Variants in CPA4 observed in about 807,000 individuals in gnomAD.
CPA4 encodes the protein carboxypeptidase A4.
CPA4 carries 49 observed loss-of-function variants against 54.7 expected under a neutral mutation model. The ratio of observed to expected loss-of-function variants is 0.90; its 90% CI spans 0.71 to 1.14. The LOEUF (loss-of-function observed/expected upper bound fraction) is 1.14. Ranked by LOEUF, CPA4 falls within the 50% of genes most tolerant of loss-of-function variation. CPA4 has a pLI of 0.00. For missense variants in CPA4, 487 were observed against 525.1 expected, an observed-to-expected ratio of 0.93 and a Z score of 0.71; for synonymous variants, 215 against 206.8, an observed-to-expected ratio of 1.04 and a Z score of -0.34.
In CPA4 at chr7:130,293,207, C is replaced by G; in HGVS notation, c.27C>G (p.Ala9=). 6.2e-7 allele frequency: 1 copy of G among 1,612,286 alleles called. No individual in the cohort carries two copies. The highest frequency in any genetic ancestry group is 8.5e-7 in the Non-Finnish European group (1 of 1,178,434). The part of the protein sequence containing the change: MRWILFIG[A]LIGSSICGQE... ...TGAGGTGGATACTGTTCATTGGGGC[C>G]CTTATTGGGTCCAGCATCTGTGGCC... is the stretch of plus-strand genomic sequence containing the variant. Residue 9 remains alanine, a synonymous_variant, in exon 1 of 11, where the codon GCC becomes GCG. Transcript: ENST00000222482.
At chr7:130,301,251 GAATAA>G (rs2117137173) in intron 4 of CPA4, among the ~76,000 whole-genome samples, 1 of 152,236 alleles carries the variant, frequency 6.6e-6, no homozygotes, top group South Asian at 2.1e-4. Flanking sequence ...TACTCACCCA[GAATAA>G]AATGTTACTT....
intron 10 of CPA4, among the ~76,000 whole-genome samples, chr7:130,320,632 TC>T (rs1394261373): frequency 2.0e-5 from 3 of 152,178 alleles, no homozygotes; most frequent in Admixed American, 2.0e-4. Context: ...GTTAATATAC[TC>T]ACTAGATCTG....
chr7:130,296,134 C>G (rs544575870), intron 1 of CPA4, among the ~76,000 whole-genome samples: 2 of 152,120 alleles, frequency 1.3e-5, no homozygotes, highest in Non-Finnish European at 2.9e-5. Flanking sequence ...ATGGGCCTGA[C>G]AGATGAGAAA....
At chr7:130,299,537 A>T in intron 3 of CPA4, 133 bp downstream of exon 3, 1 of 784,246 alleles carries the variant, frequency 1.3e-6, no homozygotes, top group Non-Finnish European at 2.0e-6. Flanking sequence ...AGGCAAATGG[A>T]AGTAAAGTGC....
intron 10 of CPA4, among the ~76,000 whole-genome samples, chr7:130,316,035 A>G (rs1422214080): frequency 6.6e-6 from 1 of 152,178 alleles, no homozygotes; most frequent in Non-Finnish European, 1.5e-5. Context: ...TGCCCCCGCC[A>G]TAACTAGTTG....
At chr7:130,317,023 G>A (rs573127644) in intron 10 of CPA4, among the ~76,000 whole-genome samples, 1 of 152,148 alleles carries the variant, frequency 6.6e-6, no homozygotes, top group Non-Finnish European at 1.5e-5. Context: ...GCATGCGAGA[G>A]GATGGAAAGG....
chr7:130,296,679 C>CTTTTTTTTTTTTTTTTTTTTTT (rs369325885), intron 1 of CPA4, among the ~76,000 whole-genome samples: 1 of 72,984 alleles, frequency 1.4e-5, no homozygotes, highest in Non-Finnish European at 2.4e-5. Flanking sequence ...GCTCCCCTCA[C>CTTTTTTTTTTTTTTTTTTTTTT]TTTTTTTTTT....
chr7:130,308,723 A>AT (rs1554395843), intron 8 of CPA4, among the ~76,000 whole-genome samples: 7 of 145,252 alleles, frequency 4.8e-5, no homozygotes, highest in Admixed American at 1.4e-4. Flanking sequence ...ACGCCCGGCT[A>AT]TTTTTTTTCA....
intron 10 of CPA4, among the ~76,000 whole-genome samples, chr7:130,317,929 A>G (rs3800773): frequency 0.6 from 91,377 of 151,828 alleles, 27,534 homozygotes; most frequent in Admixed American, 0.66. Context: ...CTCTTTTAGG[A>G]AGATTCTCCA....
intron 9 of CPA4, 99 bp downstream of exon 9, chr7:130,311,085 C>A: frequency 2.2e-6 from 2 of 916,990 alleles, no homozygotes; most frequent in Non-Finnish European, 3.5e-6. Flanking sequence ...GGTCCAGGAG[C>A]CTAGGCATGT....
In CPA4 at chr7:130,313,541, G is replaced by A. The variant is rs139738341; in HGVS notation, c.1078+1419G>A. ...TGGTCTTGGGCTTTTATAAGGCTTC[G>A]GGCTATATTTTTTAAAGAACCCTGT... On this transcript the variant is annotated intron_variant, in intron 10 of 10. Coordinates refer to ENST00000222482, the MANE Select transcript of CPA4 (RefSeq NM_016352.4). Among the ~76,000 whole-genome samples the A allele has an allele frequency of 5.8e-3, 874 of 149,500 alleles. 2 individuals are homozygous for A. The highest frequency in any genetic ancestry group is 8.4e-3 in the Non-Finnish European group (556 of 66,176).
chr7:130,298,768 G>C lies in CPA4; in HGVS notation c.91G>C (p.Val31Leu), dbSNP rs778034964. 1 of 1,610,856 alleles carries C rather than the reference G, an allele frequency of 6.2e-7. No individual in the cohort carries two copies. The highest frequency in any genetic ancestry group is 1.1e-5 in the South Asian group (1 of 90,956). The change falls in exon 2 of 11, where the codon GTC becomes CTC. Residue 31 changes from valine to leucine, a missense_variant. By Grantham distance (32) the Val-to-Leu change is conservative. Transcript: ENST00000222482. ...FFGDQVLRIN[V>L]RNGDEISKLS... ...CAGGGACCAAGTTTTGAGGATTAATGTCAGAAATGGAGACGAGATCAGCAA... is the reference window on the plus strand; with the variant it reads ...CAGGGACCAAGTTTTGAGGATTAATCTCAGAAATGGAGACGAGATCAGCAA...
In CPA4 at chr7:130,322,720, C is replaced by A; in HGVS notation, c.*44C>A. 1 of 1,563,952 alleles carries A rather than the reference C, an allele frequency of 6.4e-7. No homozygotes were observed. The highest frequency in any genetic ancestry group is 1.8e-5 in the Admixed American group (1 of 56,352). The stretch of plus-strand genomic sequence containing the variant: ...CTACATTTATTTGTACCCACACGTG[C>A]ACGCACTGAGGCCATTGTTAAAGGA... On this transcript the variant is annotated 3_prime_UTR_variant, in exon 11 of 11. Transcript: ENST00000222482.
intron 10 of CPA4, 83 bp from the exon 11 acceptor site, chr7:130,322,406 C>T: frequency 8.6e-7 from 1 of 1,163,404 alleles, no homozygotes; most frequent in Non-Finnish European, 1.2e-6. Flanking sequence ...TAAGGAACCC[C>T]AGGCAGGCAG....
rs538874966 is a variant in CPA4 at position 130,297,289 on chromosome 7, G to A, written c.69-1457G>A. Among the ~76,000 whole-genome samples, 16 of 152,084 alleles carry A rather than the reference G, an allele frequency of 1.1e-4. 1 individual carries two copies. The South Asian group carries it at 2.9e-3, about 28-fold the overall frequency. On this transcript the variant is annotated intron_variant, in intron 1 of 10. Coordinates refer to ENST00000222482, the MANE Select transcript of CPA4 (RefSeq NM_016352.4). ...CTTACATCGGTCCCTTTTTTTCAAT[G>A]GTGCTTGCCGAGGTCAGGGAACGAT...
At chr7:130,317,898 A>G (rs768847720) in intron 10 of CPA4, among the ~76,000 whole-genome samples, 13 of 151,746 alleles carry the variant, frequency 8.6e-5, no homozygotes, top group African/African-American at 2.4e-5. Context: ...CTCACTCTCA[A>G]CTGGCTTCAC....
chr7:130,304,693 G>A, intron 5 of CPA4, 114 bp downstream of exon 5: 3 of 733,514 alleles, frequency 4.1e-6, no homozygotes, highest in Middle Eastern at 3.4e-4. Flanking sequence ...GGAAAGCGAG[G>A]TCAGGACACA....
In CPA4 at chr7:130,293,232, C is replaced by T. The variant is rs754754367; in HGVS notation, c.52C>T (p.Gln18Ter). Residue 18 changes from glutamine to a stop codon, truncating the protein, a stop_gained, in exon 1 of 11, where the codon CAA becomes TAA. Transcript: ENST00000222482. LOFTEE classifies it high-confidence loss of function. ...CCTTATTGGGTCCAGCATCTGTGGC[C>T]AAGAAAAATTTTTTGGGTAAGTTCC... ...GALIGSSICG[Q>*]EKFFGDQVLR... 3 of 1,609,672 alleles carry T rather than the reference C, an allele frequency of 1.9e-6. No individual in the cohort carries two copies. Among genetic ancestry groups the T allele is most frequent in the Non-Finnish European group, 2.5e-6 (3 of 1,176,722 alleles).
chr7:130,298,877 GA>G (rs749561216), intron 2 of CPA4, 50 bp downstream of exon 2: 2 of 1,059,628 alleles, frequency 1.9e-6, no homozygotes, highest in Admixed American at 3.5e-5. Flanking sequence ...TTTGCTGGGA[GA>G]AGACTCTTGC....
Sources: gnomAD v4.1 joint callset for allele counts (sites outside exome capture counted in the v4.1 genomes callset) on GRCh38, gnomAD v4.1.1 for gene constraint, MANE v1.5 for transcripts, NCBI Gene and HGNC (gene_info 2026-07-23, HGNC 2026-07-21) for gene names.